KCNIP4: variants seen among roughly 807,000 people sequenced by gnomAD.
KCNIP4 encodes the protein Kv channel-interacting protein 4.
A neutral mutation model predicts 34.0 loss-of-function variants in KCNIP4; 12 were observed. That is an observed-to-expected ratio of 0.35 (90% CI 0.23 to 0.57). The LOEUF (loss-of-function observed/expected upper bound fraction) is 0.57. Among genes scored for constraint, KCNIP4 ranks in the 20% least tolerant of loss-of-function variants. The pLI, the probability that KCNIP4 is intolerant of heterozygous loss-of-function variation, is 0.83. For missense variants in KCNIP4, 238 were observed against 311.7 expected (o/e 0.76, Z 1.78); for synonymous variants, 124 against 102.2 (o/e 1.21, Z -1.29).
At chr4:21,766,086 T>C (rs1718399164) in intron 1 of KCNIP4, among the ~76,000 whole-genome samples, 1 of 152,086 alleles carries the variant, frequency 6.6e-6, no homozygotes, top group Non-Finnish European at 1.5e-5. Flanking sequence ...TCAGGGCTCT[T>C]GAATTACACA....
intron 1 of KCNIP4, among the ~76,000 whole-genome samples, chr4:21,778,433 T>C (rs942887875): frequency 6.6e-6 from 1 of 151,568 alleles, no homozygotes; most frequent in Non-Finnish European, 1.5e-5. Flanking sequence ...TGGGATCGCA[T>C]CATGTTACCC....
intron 1 of KCNIP4, among the ~76,000 whole-genome samples, chr4:21,298,277 G>C (rs1182746563): frequency 6.6e-6 from 1 of 152,052 alleles, no homozygotes; most frequent in East Asian, 1.9e-4. Flanking sequence ...GTTGGGGTGT[G>C]TGTTTTCTGT....
intron 1 of KCNIP4, among the ~76,000 whole-genome samples, chr4:20,887,146 A>C (rs531438292): frequency 5.3e-5 from 8 of 152,152 alleles, no homozygotes; most frequent in Admixed American, 1.3e-4. Context: ...ACTTAACAGC[A>C]GACTGAGAAC....
intron 1 of KCNIP4, among the ~76,000 whole-genome samples, chr4:21,003,661 A>C (rs188877951): frequency 6.6e-6 from 1 of 152,334 alleles, no homozygotes; most frequent in African/African-American, 2.4e-5. Context: ...ATGGCTGGTT[A>C]GTGGCAGAAA....
At chr4:21,678,026 A>G (rs545758264) in intron 1 of KCNIP4, among the ~76,000 whole-genome samples, 2 of 152,304 alleles carry the variant, frequency 1.3e-5, no homozygotes, top group South Asian at 2.1e-4. Flanking sequence ...TGCTGGGACT[A>G]CAGGCGTGAG....
intron 1 of KCNIP4, among the ~76,000 whole-genome samples, chr4:21,833,411 G>A (rs1723117047): frequency 1.3e-5 from 2 of 152,050 alleles, no homozygotes; most frequent in African/African-American, 2.4e-5. Context: ...GTCTGTTCAT[G>A]TCCTTTGCCC....
chr4:21,814,435 T>A (rs1721851473), intron 1 of KCNIP4, among the ~76,000 whole-genome samples: 1 of 152,040 alleles, frequency 6.6e-6, no homozygotes, highest in African/African-American at 2.4e-5. Flanking sequence ...GATCTCATGG[T>A]TTTATAAAGG....
intron 1 of KCNIP4, among the ~76,000 whole-genome samples, chr4:21,910,716 G>A (rs1035257203): frequency 2.0e-4 from 30 of 152,122 alleles, no homozygotes; most frequent in African/African-American, 7.0e-4. Context: ...GAGTTAAGAG[G>A]CAAATGAAAT....
intron 1 of KCNIP4, among the ~76,000 whole-genome samples, chr4:21,125,869 A>C (rs548889962): frequency 6.6e-6 from 1 of 152,112 alleles, no homozygotes; most frequent in Non-Finnish European, 1.5e-5. Context: ...GGAGCACACT[A>C]TAACCTTTTT....
At chr4:21,934,060 T>C (rs1166690527) in intron 1 of KCNIP4, among the ~76,000 whole-genome samples, 3 of 152,038 alleles carry the variant, frequency 2.0e-5, no homozygotes, top group Non-Finnish European at 4.4e-5. Flanking sequence ...GTATTCTGAG[T>C]TGGTTAGTCT....
intron 1 of KCNIP4, among the ~76,000 whole-genome samples, chr4:21,077,859 A>G (rs1408315074): frequency 1.3e-5 from 2 of 152,098 alleles, no homozygotes; most frequent in Non-Finnish European, 2.9e-5. Flanking sequence ...TCAAAATGTA[A>G]TAAAATTGGT....
At chr4:21,531,806 AT>A (rs896936124) in intron 1 of KCNIP4, among the ~76,000 whole-genome samples, 3 of 151,950 alleles carry the variant, frequency 2.0e-5, no homozygotes, top group Admixed American at 6.6e-5. Flanking sequence ...AGGTAAGATT[AT>A]TTTTTTTAAC....
chr4:21,107,373 G>T (rs1748660481), intron 1 of KCNIP4, among the ~76,000 whole-genome samples: 2 of 146,968 alleles, frequency 1.4e-5, no homozygotes, highest in South Asian at 4.3e-4. Context: ...TGTCTCTTTT[G>T]ATCTTTGCTG....
At chr4:20,749,783 A>C in intron 4 of KCNIP4, 51 bp from the exon 5 acceptor site, 3 of 1,268,606 alleles carry the variant, frequency 2.4e-6, no homozygotes, top group Non-Finnish European at 3.4e-6. Context: ...CATATCCTAC[A>C]TAAGACTTGG....
At chr4:21,853,948 A>G (rs1724587219) in intron 1 of KCNIP4, among the ~76,000 whole-genome samples, 1 of 152,156 alleles carries the variant, frequency 6.6e-6, no homozygotes, top group African/African-American at 2.4e-5. Context: ...GCTCTGTGCA[A>G]GGCCTTGAGA....
intron 1 of KCNIP4, among the ~76,000 whole-genome samples, chr4:21,615,477 T>C (rs777755886): frequency 2.0e-5 from 3 of 148,318 alleles, no homozygotes; most frequent in Non-Finnish European, 4.5e-5. Flanking sequence ...ACCTGGGAGG[T>C]AGAGCTTGCA....
intron 1 of KCNIP4, among the ~76,000 whole-genome samples, chr4:21,338,602 G>T (rs1716424642): frequency 6.8e-6 from 1 of 146,564 alleles, no homozygotes; most frequent in Non-Finnish European, 1.5e-5. Context: ...GTGAGACTCT[G>T]CTTCAAAAAA....
Position 20,777,974 on chromosome 4 carries a change from A to G in KCNIP4, c.289-19084T>C, listed in dbSNP as rs184185956. Among the ~76,000 whole-genome samples, 23 of 152,288 alleles carry G rather than the reference A, an allele frequency of 1.5e-4. 1 individual carries two copies. Among genetic ancestry groups the G allele is most frequent in the Admixed American group, 1.1e-3 (17 of 15,288 alleles). On this transcript the variant is annotated intron_variant, in intron 3 of 8. Coordinates refer to ENST00000382152, the MANE Select transcript of KCNIP4 (RefSeq NM_025221.6). ...GGGAAGCTACATTTAAAAAACAGGAATGGGATAAGCAGTCCATGAAGACCA... is the reference window on the plus strand; with the variant it reads ...GGGAAGCTACATTTAAAAAACAGGAGTGGGATAAGCAGTCCATGAAGACCA...
chr4:21,948,514 C>G, intron 1 of KCNIP4, 57 bp downstream of exon 1: 3 of 1,571,042 alleles, frequency 1.9e-6, no homozygotes, highest in Non-Finnish European at 2.6e-6. Context: ...GCCGTCTTGG[C>G]TCGCGAGGGA....
Sources: gnomAD v4.1 joint callset for allele counts (sites outside exome capture counted in the v4.1 genomes callset) on GRCh38, gnomAD v4.1.1 for gene constraint, MANE v1.5 for transcripts, NCBI Gene and HGNC (gene_info 2026-07-23, HGNC 2026-07-21) for gene names.